RASA4B: variants seen among roughly 807,000 people sequenced by gnomAD.
The protein encoded by RASA4B is ras GTPase-activating protein 4B.
Under a neutral mutation model 24.2 loss-of-function variants are expected in RASA4B, and 2 were observed. That is an observed-to-expected ratio of 0.08 (90% confidence interval 0.03 to 0.26). The LOEUF is 0.26. RASA4B is among the 10% of genes least tolerant of loss of function. RASA4B has a pLI of 1.00. For synonymous variants in RASA4B, 2 were observed against 125.6 expected (o/e 0.02, Z 6.58); for missense variants, 8 against 277.2 (o/e 0.03, Z 6.90).
intron 8 of RASA4B, 118 bp from the exon 9 acceptor site, chr7:102,497,082 C>G: frequency 8.3e-7 from 1 of 1,200,094 alleles, no homozygotes; most frequent in Non-Finnish European, 1.2e-6. Context: ...TGCTCATGCC[C>G]TCCATTCGGG....
intron 17 of RASA4B, among the ~76,000 whole-genome samples, chr7:102,489,633 C>T (rs1458688150): frequency 6.7e-6 from 1 of 149,462 alleles, no homozygotes; most frequent in African/African-American, 2.4e-5. Flanking sequence ...GCTGGGACTA[C>T]AGGCACCCAC....
intron 4 of RASA4B, among the ~76,000 whole-genome samples, chr7:102,509,106 C>CTT (rs1172102959): frequency 4.5e-5 from 4 of 89,346 alleles, no homozygotes; most frequent in African/African-American, 1.2e-4. Context: ...CGTGCCCGGC[C>CTT]TTTTTTTTAA....
Position 102,500,428 on chromosome 7 carries a change from C to T in RASA4B, c.737+271G>A, listed in dbSNP as rs1222368264. Among the ~76,000 whole-genome samples, 10 of 135,866 alleles carry T rather than the reference C, an allele frequency of 7.4e-5. No individual in the cohort carries two copies. The South Asian group carries it at 1.3e-3, about 17-fold the overall frequency. 89.1% of individuals were successfully genotyped at this position (135,866 alleles called of 152,430 possible). A position where few individuals can be genotyped will look rare whatever the true frequency, so the allele number is the denominator to read the frequency against. ...CGGAGCCTGCAGTGAGTCGAGATCA[C>T]GCCATTGCACTCCAGCCTGGGGACA... is the stretch of plus-strand genomic sequence containing the variant. On this transcript the variant is annotated intron_variant, in intron 8 of 20. Transcript: ENST00000465829.
chr7:102,504,691 A>AT (rs1799434340), intron 5 of RASA4B, among the ~76,000 whole-genome samples: 1 of 115,164 alleles, frequency 8.7e-6, no homozygotes, highest in Non-Finnish European at 1.7e-5. Context: ...AAAAAAAAAA[A>AT]AAAACCCACC....
intron 1 of RASA4B, among the ~76,000 whole-genome samples, chr7:102,513,561 CTG>C (rs1799782425): frequency 3.5e-5 from 1 of 28,628 alleles, no homozygotes; most frequent in Non-Finnish European, 8.0e-5. Context: ...GAAGTGAGGG[CTG>C]TCTCTAGAGC....
intron 1 of RASA4B, among the ~76,000 whole-genome samples, chr7:102,513,023 C>G (rs1799757002): frequency 6.6e-6 from 1 of 152,294 alleles, no homozygotes; most frequent in Non-Finnish European, 1.5e-5. Context: ...CCCCCCAGAA[C>G]AGCTCCAAGC....
chr7:102,512,775 G>A (rs1335205692), intron 1 of RASA4B, among the ~76,000 whole-genome samples: 2 of 150,038 alleles, frequency 1.3e-5, no homozygotes, highest in South Asian at 2.1e-4. Flanking sequence ...TAAGAGGGAG[G>A]GGGAGACTGA....
intron 16 of RASA4B, among the ~76,000 whole-genome samples, chr7:102,492,750 C>G (rs9770553): frequency 2.3e-5 from 1 of 44,434 alleles, no homozygotes; most frequent in Non-Finnish European, 8.6e-5. Context: ...CTGCAACCTC[C>G]GCCTCCCAGG....
At chr7:102,490,674 G>C (rs1459744034) in intron 17 of RASA4B, among the ~76,000 whole-genome samples, 2 of 152,240 alleles carry the variant, frequency 1.3e-5, no homozygotes, top group African/African-American at 2.4e-5. Flanking sequence ...AGCGGGGCGA[G>C]AGGCTCAATC....
At chr7:102,502,759 C>CAA (rs879529595) in intron 6 of RASA4B, among the ~76,000 whole-genome samples, 2 of 107,600 alleles carry the variant, frequency 1.9e-5, no homozygotes, top group Non-Finnish European at 4.5e-5. Flanking sequence ...GACTTGGCCT[C>CAA]AAAAAAAAAA....
At chr7:102,497,154 G>C (rs1433873366) in intron 8 of RASA4B, among the ~76,000 whole-genome samples, 190 bp from the exon 9 acceptor site, 1 of 149,234 alleles carries the variant, frequency 6.7e-6, no homozygotes, top group African/African-American at 2.4e-5. Context: ...TTTTTGGAAA[G>C]CCCTTCCTGT....
At chr7:102,486,549 GAGA>G (rs1798738752) in intron 18 of RASA4B, among the ~76,000 whole-genome samples, 1 of 66,182 alleles carries the variant, frequency 1.5e-5, no homozygotes, top group East Asian at 3.4e-4. Flanking sequence ...GGATAACAGG[GAGA>G]AGGTCTCGAA....
At chr7:102,513,191 G>A (rs1368269743) in intron 1 of RASA4B, among the ~76,000 whole-genome samples, 6 of 139,592 alleles carry the variant, frequency 4.3e-5, no homozygotes, top group Non-Finnish European at 3.2e-5. Context: ...CCTGGCCCCA[G>A]GACGGGACGG....
chr7:102,492,164 CGGGCCCCTCATCTGGTG>C (rs1459382913), intron 16 of RASA4B, among the ~76,000 whole-genome samples: 1 of 4,098 alleles, frequency 2.4e-4, no homozygotes, highest in African/African-American at 4.0e-4. Flanking sequence ...TCGGAAGGGG[CGGGCCCCTCATCTGGTG>C]GGACCCCTGA....
At chr7:102,502,700 C>A (rs1799362866) in intron 6 of RASA4B, among the ~76,000 whole-genome samples, 1 of 127,352 alleles carries the variant, frequency 7.9e-6, no homozygotes, top group Non-Finnish European at 1.9e-5. Flanking sequence ...GCAGAGCCTG[C>A]AGTGAGCTGA....
rs189013918 is a variant in RASA4B at position 102,480,103 on chromosome 7, G to A, written c.*3489C>T. Among the ~76,000 whole-genome samples the A allele has an allele frequency of 3.0e-3, 462 of 152,194 alleles. 5 individuals carry two copies. Among genetic ancestry groups the A allele is most frequent in the African/African-American group, 0.011 (438 of 41,552 alleles). ...TGAGGAGTGACCAGAAGACAAGAGTGCGAGCTTTCTGTTATGCCCGGACAG... is the reference window on the plus strand; with the variant it reads ...TGAGGAGTGACCAGAAGACAAGAGTACGAGCTTTCTGTTATGCCCGGACAG... On this transcript the variant is annotated 3_prime_UTR_variant, in exon 21 of 21. Coordinates refer to ENST00000465829, the MANE Select transcript of RASA4B (RefSeq NM_001367767.2).
At chr7:102,502,429 A>G (rs368939763) in intron 6 of RASA4B, among the ~76,000 whole-genome samples, 8,770 of 43,030 alleles carry the variant, frequency 0.2, 280 homozygotes, top group South Asian at 0.33. Context: ...CCAATAACCT[A>G]TGGAAATAAA....
chr7:102,480,305 G>T lies in RASA4B; in HGVS notation c.*3287C>A, dbSNP rs1798584521. 6.6e-6 allele frequency among the ~76,000 whole-genome samples: 1 copy of T among 151,986 alleles called. No individual in the cohort carries two copies. Among genetic ancestry groups the T allele is most frequent in the African/African-American group, 2.4e-5 (1 of 41,418 alleles). On this transcript the variant is annotated 3_prime_UTR_variant, in exon 21 of 21. Transcript: ENST00000465829. ...GATGAGGGTGGTGAGGTGGTGATCA[G>T]GGGGACCCATGCTTCTGCTCAGGGG...
rs1248765512 is a variant in RASA4B, at chr7:102,481,369, TATTATA to T, written c.*2217_*2222del. 7.3e-4 allele frequency among the ~76,000 whole-genome samples: 52 copies of T among 70,854 alleles called. No individual in the cohort carries two copies. The highest frequency in any genetic ancestry group is 6.2e-3 in the Admixed American group (36 of 5,834). The allele number at this position is 70,854 out of a possible 152,430, so 46.5% of individuals were successfully genotyped here. A position where few individuals can be genotyped will look rare whatever the true frequency, so the allele number is the denominator to read the frequency against. ...CCGTCACACCCAGCTTCAAGTCTCT[TATTATA>T]AAGTTCTGGCCACGCACAGTGGCTC... On this transcript the variant is annotated 3_prime_UTR_variant, in exon 21 of 21. Coordinates refer to ENST00000465829, the MANE Select transcript of RASA4B (RefSeq NM_001367767.2).
Sources: gnomAD v4.1 joint callset for allele counts (sites outside exome capture counted in the v4.1 genomes callset) on GRCh38, gnomAD v4.1.1 for gene constraint, MANE v1.5 for transcripts, NCBI Gene and HGNC (gene_info 2026-07-23, HGNC 2026-07-21) for gene names.